Variants in CRYBB2 observed in about 807,000 individuals in gnomAD.
CRYBB2 encodes beta-crystallin B2.
Under a neutral mutation model 24.3 loss-of-function variants are expected in CRYBB2, and 12 were observed. That is an observed-to-expected ratio of 0.49 (90% CI 0.32 to 0.80). The LOEUF (loss-of-function observed/expected upper bound fraction) is 0.80. Ranked by LOEUF, CRYBB2 falls within the 30% of genes least tolerant of loss-of-function variation. CRYBB2 has a pLI of 0.04. For missense variants in CRYBB2, 198 were observed against 268.5 expected, an observed-to-expected ratio of 0.74 and a Z score of 1.83; for synonymous variants, 98 against 101.6, an observed-to-expected ratio of 0.96 and a Z score of 0.21.
At chr22:25,212,123 CCTCTT>C (rs567061429), upstream of CRYBB2, among the ~76,000 whole-genome samples, 608 of 152,350 alleles carry the variant, frequency 4.0e-3, 2 homozygotes, top group African/African-American at 0.012. Context: ...TGTTCATCAT[CCTCTT>C]CTCTTGATCA....
intron 3 of CRYBB2, among the ~76,000 whole-genome samples, chr22:25,225,568 G>T (rs997171387): frequency 2.0e-5 from 3 of 152,130 alleles, no homozygotes; most frequent in African/African-American, 7.2e-5. Context: ...GAGAGAAGGG[G>T]AGCTGAATGG....
At chr22:25,214,216 T>TAC (rs1375288027) in intron 1 of CRYBB2, among the ~76,000 whole-genome samples, 3 of 152,150 alleles carry the variant, frequency 2.0e-5, no homozygotes, top group Non-Finnish European at 2.9e-5. Context: ...TGAAAACCTG[T>TAC]AGTCTGAGCT....
Position 25,225,012 on chromosome 22 carries a change from G to T in CRYBB2, c.149G>T (p.Gly50Val), listed in dbSNP as rs772118970. The T allele has an allele frequency of 9.9e-6, 16 of 1,609,854 alleles. No homozygotes were observed. Among genetic ancestry groups the T allele is most frequent in the South Asian group, 2.2e-5 (2 of 91,008 alleles). The change falls in exon 3 of 6, where the codon GGT (glycine) becomes GTT (valine). Residue 50 changes from glycine to valine, a missense_variant. Coordinates refer to ENST00000398215, the MANE Select transcript of CRYBB2 (RefSeq NM_000496.3). The part of the protein sequence containing the change: ...NLKETGVEKA[G>V]SVLVQAGPWV... ...AAGGAAACTGGCGTGGAGAAGGCAG[G>T]TTCTGTCCTAGTGCAGGCTGGACCG...
chr22:25,212,532 C>A (rs1935118523), upstream of CRYBB2, among the ~76,000 whole-genome samples: 2 of 152,186 alleles, frequency 1.3e-5, no homozygotes, highest in Non-Finnish European at 2.9e-5. Context: ...CTTGGGAGGA[C>A]CTTCTGGCCA....
chr22:25,215,149 G>A (rs7285891), upstream of CRYBB2, among the ~76,000 whole-genome samples: 59,635 of 152,128 alleles, frequency 0.39, 12,089 homozygotes, highest in East Asian at 0.69. Context: ...CTGGCCATAA[G>A]CAAAATCTCT....
At chr22:25,220,925 G>A (rs1010800127) in intron 1 of CRYBB2, among the ~76,000 whole-genome samples, 2 of 152,200 alleles carry the variant, frequency 1.3e-5, no homozygotes, top group African/African-American at 4.8e-5. Flanking sequence ...CCCAGGGAGA[G>A]GGTGGGAGAA....
upstream of CRYBB2, among the ~76,000 whole-genome samples, chr22:25,212,139 T>C (rs1163629384): frequency 1.3e-5 from 2 of 152,240 alleles, no homozygotes; most frequent in African/African-American, 4.8e-5. Flanking sequence ...CTCTTGATCA[T>C]TTTTTGACAA....
chr22:25,222,346 C>G (rs189976328), intron 2 of CRYBB2, among the ~76,000 whole-genome samples: 158 of 152,306 alleles, frequency 1.0e-3, no homozygotes, highest in Non-Finnish European at 2.1e-3. Flanking sequence ...AGAAGTGCTA[C>G]AAACAATTGT....
At chr22:25,226,125 A>G (rs1024736823) in intron 3 of CRYBB2, among the ~76,000 whole-genome samples, 1 of 152,004 alleles carries the variant, frequency 6.6e-6, no homozygotes, top group Non-Finnish European at 1.5e-5. Flanking sequence ...TTCACTACTC[A>G]GAAGTAACCA....
chr22:25,229,083 ATG>A lies in CRYBB2; in HGVS notation c.307-348_307-347del, dbSNP rs945971696. Among the ~76,000 whole-genome samples the A allele has an allele frequency of 2.0e-5, 3 of 147,690 alleles. 1 individual carries two copies. The highest frequency in any genetic ancestry group is 4.5e-5 in the Non-Finnish European group (3 of 66,688). ...TGTGTGCATGTGTGCGTGTGCACAC[ATG>A]TGTGGGTGTGCATGTGTGTGTGTGT... On this transcript the variant is annotated intron_variant, in intron 4 of 5. Transcript: ENST00000398215.
At chr22:25,220,693 G>T (rs1935303647) in intron 1 of CRYBB2, among the ~76,000 whole-genome samples, 1 of 152,202 alleles carries the variant, frequency 6.6e-6, no homozygotes, top group Non-Finnish European at 1.5e-5. Context: ...CACCCCTTCT[G>T]CAGGAAGGGG....
intron 5 of CRYBB2, among the ~76,000 whole-genome samples, chr22:25,231,210 T>A (rs1196171051): frequency 1.3e-5 from 2 of 152,282 alleles, no homozygotes; most frequent in Admixed American, 6.5e-5. Flanking sequence ...CAACTCTTCT[T>A]TGACCTTGTA....
At chr22:25,216,962 T>C (rs893094593), upstream of CRYBB2, among the ~76,000 whole-genome samples, 1 of 152,234 alleles carries the variant, frequency 6.6e-6, no homozygotes, top group Non-Finnish European at 1.5e-5. Flanking sequence ...TCCTTTCTTT[T>C]TAAGGCTGAA....
intron 3 of CRYBB2, among the ~76,000 whole-genome samples, chr22:25,227,529 A>G (rs1021928970): frequency 1.3e-5 from 2 of 150,402 alleles, no homozygotes; most frequent in Non-Finnish European, 3.0e-5. Context: ...TTGTTTTTTG[A>G]GAGTTGGCTA....
At chr22:25,221,295 G>A (rs1227728790) in intron 1 of CRYBB2, 109 bp from the exon 2 acceptor site, 1 of 748,072 alleles carries the variant, frequency 1.3e-6, no homozygotes. Flanking sequence ...TCTGAAACCA[G>A]GAGAAAAAGA....
chr22:25,227,408 C>G (rs556784295), intron 3 of CRYBB2, among the ~76,000 whole-genome samples: 1 of 151,932 alleles, frequency 6.6e-6, no homozygotes, highest in East Asian at 1.9e-4. Context: ...ATCTCTCTTC[C>G]TAACTTCACT....
At chr22:25,219,893 G>A (rs949257145) in intron 1 of CRYBB2, among the ~76,000 whole-genome samples, 3 of 152,110 alleles carry the variant, frequency 2.0e-5, no homozygotes, top group African/African-American at 7.2e-5. Context: ...GCACACAGTG[G>A]GCATTGGGGC....
At chr22:25,218,588 C>T (rs1480421530), upstream of CRYBB2, among the ~76,000 whole-genome samples, 2 of 150,774 alleles carry the variant, frequency 1.3e-5, no homozygotes, top group African/African-American at 4.9e-5. Context: ...ATCGCTTGAA[C>T]CTGGGAGGCA....
chr22:25,215,220 C>T (rs1935153547), upstream of CRYBB2, among the ~76,000 whole-genome samples: 1 of 152,210 alleles, frequency 6.6e-6, no homozygotes, highest in Non-Finnish European at 1.5e-5. Context: ...GTGGGTTTAC[C>T]AGAATGAGGG....
Sources: allele counts gnomAD v4.1 joint callset (sites outside exome capture counted in the v4.1 genomes callset), GRCh38; gene constraint gnomAD v4.1.1; transcripts MANE v1.5; gene names NCBI Gene and HGNC (gene_info 2026-07-23, HGNC 2026-07-21).